Variants in SPIRE1 observed in about 807,000 individuals in gnomAD.
SPIRE1 encodes protein spire homolog 1.
SPIRE1 carries 40 observed loss-of-function variants against 94.1 expected under a neutral mutation model. The ratio of observed to expected loss-of-function variants is 0.43; its 90% CI spans 0.33 to 0.55. The LOEUF (loss-of-function observed/expected upper bound fraction) is 0.55. Ranked by LOEUF, SPIRE1 falls within the 20% of genes least tolerant of loss-of-function variation. The pLI is 0.06. For synonymous variants in SPIRE1, 376 were observed against 371.7 expected, an observed-to-expected ratio of 1.01 and a Z score of -0.13; for missense variants, 838 against 975.2, an observed-to-expected ratio of 0.86 and a Z score of 1.87.
At chr18:12,609,408 C>T (rs577439903) in intron 2 of SPIRE1, among the ~76,000 whole-genome samples, 1 of 152,060 alleles carries the variant, frequency 6.6e-6, no homozygotes, top group East Asian at 1.9e-4. Context: ...GGTGGGAGTA[C>T]TTATAGCACA....
intron 5 of SPIRE1, among the ~76,000 whole-genome samples, chr18:12,510,083 T>TAAAA (rs1240467564): frequency 8.0e-6 from 1 of 124,986 alleles, no homozygotes; most frequent in Non-Finnish European, 1.7e-5. Context: ...AGACTCCATC[T>TAAAA]AAAAAAAAAA....
At chr18:12,488,642 A>G (rs1359120512) in intron 8 of SPIRE1, among the ~76,000 whole-genome samples, 2 of 152,228 alleles carry the variant, frequency 1.3e-5, no homozygotes, top group South Asian at 2.1e-4. Flanking sequence ...TTACATCCCA[A>G]GCACACATTA....
At chr18:12,609,365 T>G (rs2037075107) in intron 2 of SPIRE1, among the ~76,000 whole-genome samples, 1 of 152,200 alleles carries the variant, frequency 6.6e-6, no homozygotes, top group Non-Finnish European at 1.5e-5. Flanking sequence ...TACAAGCTGG[T>G]TGATGAAACC....
chr18:12,496,852 A>T (rs951169435), intron 6 of SPIRE1, among the ~76,000 whole-genome samples: 1 of 151,912 alleles, frequency 6.6e-6, no homozygotes, highest in African/African-American at 2.4e-5. Context: ...CTGGGTGACA[A>T]AGCAAGACTC....
chr18:12,584,708 C>G lies in SPIRE1; in HGVS notation c.373-37804G>C, dbSNP rs187581298. Reference sequence around the variant, plus strand: ...TACTTGGTGGCTGAGATGGGAAGATCACCTAAGCCCTAGGCGTTTGAGTCC... The same window carrying G: ...TACTTGGTGGCTGAGATGGGAAGATGACCTAAGCCCTAGGCGTTTGAGTCC... On this transcript the variant is annotated intron_variant, in intron 2 of 16. Transcript: ENST00000409402. Among the ~76,000 whole-genome samples the G allele has an allele frequency of 3.6e-3, 553 of 152,196 alleles. 4 individuals carry two copies. The highest frequency in any genetic ancestry group is 6.0e-3 in the Non-Finnish European group (407 of 68,008).
chr18:12,520,050 T>C (rs554240032), intron 4 of SPIRE1, among the ~76,000 whole-genome samples: 2 of 152,218 alleles, frequency 1.3e-5, no homozygotes, highest in Admixed American at 1.3e-4. Flanking sequence ...AATATAGGAC[T>C]AGTTAAACTC....
rs765900275 is a variant in SPIRE1, at chr18:12,464,918, G to A, written c.1445C>T (p.Ser482Phe). 2 of 1,614,066 alleles carry A rather than the reference G, an allele frequency of 1.2e-6. No individual in the cohort carries two copies. Among genetic ancestry groups the A allele is most frequent in the African/African-American group, 2.7e-5 (2 of 75,028 alleles). The change falls in exon 11 of 17, where the codon TCT becomes TTT. Residue 482 changes from serine to phenylalanine, a missense_variant. This residue lies in a region of SPIRE1 where 645 missense variants were observed against 804.7 expected (regional missense o/e 0.80). Coordinates refer to ENST00000409402, the MANE Select transcript of SPIRE1 (RefSeq NM_001128626.2). ...GACTGGCTCTTCAGGGAAAGAGGGA[G>A]ACACGCTGCTGCTGCTGGTCGACTT... ...LHKSTSSSSVSPSFPEEPVLE... is the reference protein window; with the variant it reads ...LHKSTSSSSVFPSFPEEPVLE...
Position 12,452,276 on chromosome 18 carries a change from C to T in SPIRE1, c.1991G>A (p.Arg664Gln), listed in dbSNP as rs767870576. Residue 664 changes from arginine to glutamine, a missense_variant, in exon 16 of 17, where the codon CGG (arginine) becomes CAG (glutamine). Physicochemically the swap from Arg to Gln is conservative, Grantham distance 43 (BLOSUM62 1). Around this residue, in one of 2 missense-constraint regions of SPIRE1, gnomAD observed 645 missense variants for 804.7 expected, o/e 0.80. Coordinates refer to ENST00000409402, the MANE Select transcript of SPIRE1 (RefSeq NM_001128626.2). ...TCACCTGGCAATGCTCCGAAGTGGC[C>T]GATGATGGGCAGTGGAGGGTTTTTC... ...RSEKPSTAHH[R>Q]PLRSIARFSS... The T allele has an allele frequency of 8.7e-6, 14 of 1,613,858 alleles. No homozygotes were observed. Among genetic ancestry groups the T allele is most frequent in the South Asian group, 5.5e-5 (5 of 91,068 alleles).
intron 2 of SPIRE1, among the ~76,000 whole-genome samples, chr18:12,557,157 C>T (rs1311913138): frequency 6.6e-6 from 1 of 152,228 alleles, no homozygotes; most frequent in African/African-American, 2.4e-5. Flanking sequence ...CACTCCTCAG[C>T]CCTTGGGCAG....
intron 2 of SPIRE1, among the ~76,000 whole-genome samples, chr18:12,549,332 T>C (rs373439914): frequency 2.6e-5 from 4 of 152,110 alleles, no homozygotes; most frequent in South Asian, 4.2e-4. Context: ...TTATTCCCAG[T>C]GAGAAATCAC....
In SPIRE1 at chr18:12,625,394, T is replaced by C. The variant is rs537822276; in HGVS notation, c.372+9668A>G. 2.0e-5 allele frequency among the ~76,000 whole-genome samples: 3 copies of C among 152,306 alleles called. No individual in the cohort carries two copies. In the South Asian group the frequency reaches 6.2e-4, roughly 32 times the overall value. On this transcript the variant is annotated intron_variant, in intron 2 of 16. Coordinates refer to ENST00000409402, the MANE Select transcript of SPIRE1 (RefSeq NM_001128626.2). The stretch of plus-strand genomic sequence containing the variant: ...CTGACCAAGGAGAAAATGCTGTTGT[T>C]ACCAGCAGTTACTGGAGTTTATTCT...
intron 2 of SPIRE1, among the ~76,000 whole-genome samples, chr18:12,583,890 G>T (rs2036322461): frequency 6.6e-6 from 1 of 152,020 alleles, no homozygotes; most frequent in South Asian, 2.1e-4. Flanking sequence ...TCACGCCACT[G>T]CACTCCAGCT....
intron 10 of SPIRE1, among the ~76,000 whole-genome samples, chr18:12,478,631 G>C (rs574394396): frequency 1.6e-4 from 24 of 151,740 alleles, no homozygotes; most frequent in Admixed American, 1.4e-3. Flanking sequence ...GCGCGCATGC[G>C]TATGTAGCTA....
At chr18:12,637,119 G>A (rs2037951870) in intron 1 of SPIRE1, among the ~76,000 whole-genome samples, 1 of 152,144 alleles carries the variant, frequency 6.6e-6, no homozygotes, top group Admixed American at 6.5e-5. Context: ...CAGCACTTTG[G>A]GAGACCGAGG....
intron 2 of SPIRE1, among the ~76,000 whole-genome samples, chr18:12,579,810 T>C (rs1487199346): frequency 2.6e-5 from 4 of 152,160 alleles, no homozygotes; most frequent in Admixed American, 6.6e-5. Context: ...CTAGAACTGC[T>C]TTGGAAATAC....
chr18:12,521,313 C>T (rs1047777800), intron 4 of SPIRE1, among the ~76,000 whole-genome samples: 4 of 151,466 alleles, frequency 2.6e-5, no homozygotes, highest in Non-Finnish European at 5.9e-5. Flanking sequence ...TACTGCCTTT[C>T]GCTTTGTTGT....
chr18:12,575,437 C>T (rs954588776), intron 2 of SPIRE1, among the ~76,000 whole-genome samples: 1 of 152,146 alleles, frequency 6.6e-6, no homozygotes, highest in African/African-American at 2.4e-5. Flanking sequence ...ATGATCATAG[C>T]TCACTATAAC....
chr18:12,612,750 C>T (rs1404715383), intron 2 of SPIRE1, among the ~76,000 whole-genome samples: 3 of 152,220 alleles, frequency 2.0e-5, no homozygotes, highest in Non-Finnish European at 4.4e-5. Flanking sequence ...ATGACATCTT[C>T]GCCACTGCAG....
At chr18:12,622,842 C>T (rs563533471) in intron 2 of SPIRE1, among the ~76,000 whole-genome samples, 1 of 152,330 alleles carries the variant, frequency 6.6e-6, no homozygotes, top group Admixed American at 6.5e-5. Context: ...CTGTCAGTTT[C>T]AAAAACAGCT....
Sources: allele counts gnomAD v4.1 joint callset (sites outside exome capture counted in the v4.1 genomes callset), GRCh38; gene constraint gnomAD v4.1.1; regional missense constraint gnomAD v4.1.1; transcripts MANE v1.5; gene names NCBI Gene and HGNC (gene_info 2026-07-23, HGNC 2026-07-21).